CSMD1: variants seen among roughly 807,000 people sequenced by gnomAD.
CSMD1 encodes the protein CUB and sushi domain-containing protein 1.
A neutral mutation model predicts 417.5 loss-of-function variants in CSMD1; 213 were observed. The ratio of observed to expected loss-of-function variants is 0.51; its 90% confidence interval spans 0.46 to 0.57. The LOEUF is 0.57. Ranked by LOEUF, CSMD1 falls within the 20% of genes least tolerant of loss-of-function variation. The probability of loss-of-function intolerance (pLI) is 0.00; values close to 1 mark genes in which losing one functional copy is unlikely to be tolerated. For synonymous variants in CSMD1, 2,862 were observed against 1,736.8 expected, an observed-to-expected ratio of 1.65 and a Z score of -16.11; for missense variants, 6,923 against 4,529.7, an observed-to-expected ratio of 1.53 and a Z score of -15.17.
chr8:4,829,226 G>A (rs751221725), intron 1 of CSMD1, among the ~76,000 whole-genome samples: 1 of 152,104 alleles, frequency 6.6e-6, no homozygotes, highest in Admixed American at 6.5e-5. Context: ...GTTTAGATGA[G>A]AATTTTAAAA....
At chr8:4,108,781 C>G (rs916211622) in intron 3 of CSMD1, among the ~76,000 whole-genome samples, 3 of 151,704 alleles carry the variant, frequency 2.0e-5, no homozygotes, top group Non-Finnish European at 3.0e-5. Context: ...TCTGAAATAT[C>G]TTGATTCTAA....
chr8:4,817,109 C>A (rs1006047141), intron 1 of CSMD1, among the ~76,000 whole-genome samples: 1 of 151,842 alleles, frequency 6.6e-6, no homozygotes, highest in Non-Finnish European at 1.5e-5. Context: ...ATACATGCCT[C>A]CATGTATCTG....
At chr8:3,299,983 T>A (rs1804264142) in intron 25 of CSMD1, among the ~76,000 whole-genome samples, 1 of 152,126 alleles carries the variant, frequency 6.6e-6, no homozygotes, top group African/African-American at 2.4e-5. Flanking sequence ...TAGAAATTCA[T>A]CATGAAAAGT....
At chr8:4,731,134 T>C (rs1169750789) in intron 1 of CSMD1, among the ~76,000 whole-genome samples, 5 of 152,212 alleles carry the variant, frequency 3.3e-5, no homozygotes, top group Non-Finnish European at 7.3e-5. Context: ...AACCATGAGA[T>C]GGCTTCGAGT....
At chr8:3,303,870 A>G (rs1320069841) in intron 25 of CSMD1, among the ~76,000 whole-genome samples, 10 of 152,112 alleles carry the variant, frequency 6.6e-5, no homozygotes, top group Non-Finnish European at 1.5e-4. Context: ...TAACTGCTCT[A>G]TAGCATACAT....
chr8:3,608,490 G>A (rs1001111558), intron 8 of CSMD1, among the ~76,000 whole-genome samples: 4 of 151,924 alleles, frequency 2.6e-5, no homozygotes, highest in African/African-American at 9.7e-5. Context: ...ATGGCTGGGC[G>A]CTGTGGCTCA....
chr8:4,834,015 G>T (rs530854094), intron 1 of CSMD1, among the ~76,000 whole-genome samples: 1 of 152,212 alleles, frequency 6.6e-6, no homozygotes, highest in East Asian at 1.9e-4. Flanking sequence ...AAATAGACCC[G>T]GGATGCAATA....
At chr8:3,087,307 C>G in intron 48 of CSMD1, 22 bp from the exon 49 acceptor site, 3 of 1,608,890 alleles carry the variant, frequency 1.9e-6, no homozygotes, top group Non-Finnish European at 2.6e-6. Flanking sequence ...CAGACACACA[C>G]AGAAATAAGT....
chr8:4,110,955 T>C (rs1801820907), intron 3 of CSMD1, among the ~76,000 whole-genome samples: 1 of 152,176 alleles, frequency 6.6e-6, no homozygotes, highest in Non-Finnish European at 1.5e-5. Flanking sequence ...TAATAAGTAT[T>C]ACAGTTTCTT....
intron 5 of CSMD1, among the ~76,000 whole-genome samples, chr8:3,764,815 T>C (rs1448907526): frequency 6.6e-6 from 1 of 150,794 alleles, no homozygotes; most frequent in Non-Finnish European, 1.5e-5. Flanking sequence ...GGCACCATCT[T>C]GGCTCAGTGA....
chr8:4,039,227 C>G (rs546144049), intron 3 of CSMD1, among the ~76,000 whole-genome samples: 6 of 152,286 alleles, frequency 3.9e-5, no homozygotes, highest in African/African-American at 1.2e-4. Context: ...TTTCTCTACA[C>G]TTTGCCTCTG....
intron 9 of CSMD1, among the ~76,000 whole-genome samples, chr8:3,577,092 C>A (rs568032831): frequency 3.9e-5 from 6 of 152,172 alleles, no homozygotes; most frequent in African/African-American, 1.2e-4. Context: ...GTGGGCTCAG[C>A]CTGTCATTGG....
At chr8:3,997,806 A>G in intron 5 of CSMD1, 97 bp downstream of exon 5, 1 of 1,114,232 alleles carries the variant, frequency 9.0e-7, no homozygotes, top group Non-Finnish European at 1.3e-6. Context: ...ATGCTTGCCC[A>G]TGAACGTCCA....
intron 5 of CSMD1, among the ~76,000 whole-genome samples, chr8:3,968,724 T>G (rs1812863905): frequency 6.6e-6 from 1 of 152,294 alleles, no homozygotes; most frequent in South Asian, 2.1e-4. Flanking sequence ...TTATCTAATG[T>G]GTAAATAGCA....
At chr8:3,544,539 C>G (rs1472430185) in intron 10 of CSMD1, among the ~76,000 whole-genome samples, 1 of 152,102 alleles carries the variant, frequency 6.6e-6, no homozygotes, top group South Asian at 2.1e-4. Context: ...TGGACTCGCC[C>G]TGAATTGTTT....
chr8:3,953,656 G>C (rs1018852280), intron 5 of CSMD1, among the ~76,000 whole-genome samples: 4 of 152,218 alleles, frequency 2.6e-5, no homozygotes, highest in East Asian at 3.9e-4. Context: ...AAGAACGCTG[G>C]GACTGGGAGC....
intron 3 of CSMD1, among the ~76,000 whole-genome samples, chr8:4,283,440 CA>C (rs1796897337): frequency 6.6e-6 from 1 of 152,128 alleles, no homozygotes; most frequent in South Asian, 2.1e-4. Flanking sequence ...ACAGGATTTC[CA>C]AATGCAAATT....
chr8:4,130,414 C>A (rs1275390352), intron 3 of CSMD1, among the ~76,000 whole-genome samples: 1 of 152,136 alleles, frequency 6.6e-6, no homozygotes, highest in East Asian at 1.9e-4. Flanking sequence ...TTTTACTCTG[C>A]CTCACCGTCA....
In CSMD1 at chr8:3,069,607, T is replaced by C. The variant is rs147904633; in HGVS notation, c.7475-16960A>G. Among the ~76,000 whole-genome samples, 1,116 of 152,272 alleles carry C rather than the reference T, an allele frequency of 7.3e-3. 15 individuals carry two copies. The highest frequency in any genetic ancestry group is 0.025 in the African/African-American group (1,045 of 41,552). On this transcript the variant is annotated intron_variant, in intron 49 of 69. Coordinates refer to ENST00000635120, the MANE Select transcript of CSMD1 (RefSeq NM_033225.6). ...TTCGCAAGGCCTTGGGCAGCTTTGC[T>C]TCTGTGGTTTTGCAGGGAGCAGCCC... is the stretch of plus-strand genomic sequence containing the variant.
Sources: gnomAD v4.1 joint callset for allele counts (sites outside exome capture counted in the v4.1 genomes callset) on GRCh38, gnomAD v4.1.1 for gene constraint, MANE v1.5 for transcripts, NCBI Gene and HGNC (gene_info 2026-07-23, HGNC 2026-07-21) for gene names.